The following TXNRD1 variants were observed in gnomAD, a reference collection of about 807,000 sequenced individuals.
TXNRD1 encodes thioredoxin reductase 1, cytoplasmic.
Under a neutral mutation model 80.3 loss-of-function variants are expected in TXNRD1, and 57 were observed. The observed-to-expected ratio is 0.71, with a 90% confidence interval of 0.57 to 0.89. The LOEUF (loss-of-function observed/expected upper bound fraction) is 0.89. Ranked by LOEUF, TXNRD1 falls within the 40% of genes least tolerant of loss-of-function variation. TXNRD1 has a pLI of 0.00. For synonymous variants in TXNRD1, 291 were observed against 285.2 expected (o/e 1.02, Z -0.20); for missense variants, 730 against 803.0 (o/e 0.91, Z 1.10).
At chr12:104,301,676 G>T (rs2034631566) in intron 4 of TXNRD1, among the ~76,000 whole-genome samples, 1 of 152,214 alleles carries the variant, frequency 6.6e-6, no homozygotes, top group Non-Finnish European at 1.5e-5. Flanking sequence ...AAGCTCCTAA[G>T]AATATCGTTC....
chr12:104,321,340 T>C lies in TXNRD1; in HGVS notation c.1215+24T>C, dbSNP rs1214961686. On this transcript the variant is annotated intron_variant, in intron 10 of 16. Transcript: ENST00000525566. ...AAGTAAGTGGGTTTGCCTGTAGGTT[T>C]CTTGATTCTACATTCACAGTAAAAG... 4 of 1,591,072 alleles carry C rather than the reference T, an allele frequency of 2.5e-6. No individual in the cohort carries two copies. The African/African-American group carries it at 5.4e-5, about 21-fold the overall frequency.
chr12:104,220,952 C>CA (rs2032341367), intron 1 of TXNRD1, among the ~76,000 whole-genome samples: 2 of 152,264 alleles, frequency 1.3e-5, no homozygotes, highest in South Asian at 4.1e-4. Flanking sequence ...ATGACTATCA[C>CA]AAATCACTCT....
intron 4 of TXNRD1, among the ~76,000 whole-genome samples, chr12:104,301,069 C>A (rs1267881668): frequency 2.6e-5 from 4 of 152,232 alleles, no homozygotes; most frequent in African/African-American, 9.6e-5. Flanking sequence ...TAAATCACAA[C>A]TTAATGTTTG....
At chr12:104,304,124 AACT>A in intron 4 of TXNRD1, 1 of 1,614,046 alleles carries the variant, frequency 6.2e-7, no homozygotes, top group Non-Finnish European at 8.5e-7. Context: ...CTCGGCGAAC[AACT>A]CCTTAACCGA....
At chr12:104,245,444 G>C (rs907573761) in intron 1 of TXNRD1, among the ~76,000 whole-genome samples, 1 of 133,890 alleles carries the variant, frequency 7.5e-6, no homozygotes, top group Non-Finnish European at 1.6e-5. Flanking sequence ...TTGAACCTGG[G>C]AGGCAGAGGT....
At position 104,315,780 on chromosome 12, in the gene TXNRD1, T is replaced by C. The variant is rs1593823554; in HGVS notation, c.614T>C (p.Leu205Pro). The C allele has an allele frequency of 3.7e-6, 6 of 1,611,454 alleles. No homozygotes were observed. Among genetic ancestry groups the C allele is most frequent in the Admixed American group, 1.7e-5 (1 of 59,910 alleles). ...TGATTTCTCAATGTTGTTGTAGGTC[T>C]CGGAGGAACATGTGTGAATGTGGGT... ...TPTPLGTRWG[L>P]GGTCVNVGCI... is the part of the protein sequence containing the mutation. The change falls in exon 7 of 17, where the codon CTC becomes CCC. Residue 205 changes from leucine (L) to proline (P), a missense_variant. By Grantham distance (98) the Leu-to-Pro change is moderately conservative. Coordinates refer to ENST00000525566, the MANE Select transcript of TXNRD1 (RefSeq NM_001093771.3).
intron 3 of TXNRD1, among the ~76,000 whole-genome samples, chr12:104,277,208 G>A (rs913278282): frequency 3.4e-5 from 5 of 149,028 alleles, no homozygotes; most frequent in Admixed American, 6.8e-5. Context: ...TGGCTAATGC[G>A]GTGAAACCCC....
intron 3 of TXNRD1, among the ~76,000 whole-genome samples, chr12:104,270,745 GAGA>G (rs2033634256): frequency 6.6e-6 from 1 of 151,984 alleles, no homozygotes; most frequent in African/African-American, 2.4e-5. Context: ...TTTTTCCTCC[GAGA>G]AGGAGGAAAG....
chr12:104,294,242 C>CCCT (rs57647930), intron 4 of TXNRD1, among the ~76,000 whole-genome samples: 1 of 119,044 alleles, frequency 8.4e-6, no homozygotes. Context: ...GGCCCCCCCC[C>CCCT]CCGCCGCCGG....
chr12:104,324,483 C>T (rs2035685019), intron 10 of TXNRD1, among the ~76,000 whole-genome samples: 1 of 151,844 alleles, frequency 6.6e-6, no homozygotes, highest in South Asian at 2.1e-4. Context: ...TCCCAAGTAG[C>T]TGGGACTACA....
At chr12:104,226,201 A>C (rs1451665164) in intron 1 of TXNRD1, among the ~76,000 whole-genome samples, 2 of 151,780 alleles carry the variant, frequency 1.3e-5, no homozygotes, top group Non-Finnish European at 2.9e-5. Flanking sequence ...ACTCTGTCTC[A>C]AAAAAAACAA....
chr12:104,243,464 G>T (rs983423561), intron 1 of TXNRD1, among the ~76,000 whole-genome samples: 1 of 152,176 alleles, frequency 6.6e-6, no homozygotes, highest in Non-Finnish European at 1.5e-5. Flanking sequence ...ACTTGATGGG[G>T]TCTTGTCAGA....
At chr12:104,345,873 C>A in intron 16 of TXNRD1, 3 of 919,484 alleles carry the variant, frequency 3.3e-6, no homozygotes, top group Non-Finnish European at 4.4e-6. Flanking sequence ...AAGCCTCCAG[C>A]AGCTCCTGAC....
rs374264815 is a variant in TXNRD1 at position 104,304,408 on chromosome 12, A to G, written c.415-6882A>G. On this transcript the variant is annotated intron_variant, in intron 4 of 16. Transcript: ENST00000525566. ...TCTGGAAGGCAATAGAAAAGGAAGC[A>G]ACATCCTGGATGGTAAAAGCTGAGA... 3.7e-5 allele frequency: 60 copies of G among 1,614,034 alleles called. No homozygotes were observed. In the African/African-American group the frequency reaches 7.2e-4, roughly 19 times the overall value.
chr12:104,319,583 C>A lies in TXNRD1; in HGVS notation c.987C>A (p.Ser329Arg). ...GIPGDKEYCI[S>R]SDDLFSLPYC... ...CTGGTGACAAAGAATACTGCATCAG[C>A]AGGTAAAGGAAAAAAGCAGGGTGGA... Residue 329 changes from serine to arginine, a missense_variant and splice_region_variant, in exon 9 of 17, where the codon AGC (serine) becomes AGA (arginine). Transcript: ENST00000525566. 1 of 1,588,928 alleles carries A rather than the reference C, an allele frequency of 6.3e-7. No homozygotes were observed. Among genetic ancestry groups the A allele is most frequent in the Non-Finnish European group, 8.6e-7 (1 of 1,166,620 alleles).
intron 3 of TXNRD1, among the ~76,000 whole-genome samples, chr12:104,285,831 A>C (rs2033958942): frequency 6.6e-6 from 1 of 152,132 alleles, no homozygotes; most frequent in South Asian, 2.1e-4. Context: ...TTTCCTCCTT[A>C]AATCACATTG....
intron 3 of TXNRD1, among the ~76,000 whole-genome samples, chr12:104,287,837 C>T (rs1396508826): frequency 1.3e-5 from 2 of 152,214 alleles, no homozygotes; most frequent in Non-Finnish European, 2.9e-5. Context: ...TTTTCTGTAC[C>T]TGTTTCCCTG....
intron 3 of TXNRD1, among the ~76,000 whole-genome samples, chr12:104,261,288 A>G (rs902770018): frequency 1.3e-5 from 2 of 151,724 alleles, no homozygotes; most frequent in African/African-American, 4.8e-5. Flanking sequence ...CTCAGCCCCC[A>G]GAGTAGCTGG....
intron 1 of TXNRD1, among the ~76,000 whole-genome samples, chr12:104,250,003 T>TA (rs1353690022): frequency 6.7e-6 from 1 of 149,000 alleles, no homozygotes; most frequent in Non-Finnish European, 1.5e-5. Flanking sequence ...TGATTAATAA[T>TA]AAACATTTTG....
Sources: allele counts gnomAD v4.1 joint callset (sites outside exome capture counted in the v4.1 genomes callset), GRCh38; gene constraint gnomAD v4.1.1; transcripts MANE v1.5; gene names NCBI Gene and HGNC (gene_info 2026-07-23, HGNC 2026-07-21).